Variants in CD82 observed in about 807,000 individuals in gnomAD.
CD82 encodes CD82 antigen.
A neutral mutation model predicts 37.4 loss-of-function variants in CD82; 36 were observed. The observed-to-expected ratio is 0.96, with a 90% CI of 0.74 to 1.27. The LOEUF is 1.27. Ranked by LOEUF, CD82 falls within the 50% of genes most tolerant of loss-of-function variation. The probability of loss-of-function intolerance (pLI) is 0.00; values close to 1 mark genes in which losing one functional copy is unlikely to be tolerated. For synonymous variants in CD82, 158 were observed against 137.4 expected (o/e 1.15, Z -1.05); for missense variants, 340 against 347.0 (o/e 0.98, Z 0.16).
At chr11:44,569,336 C>G (rs1852783051) in intron 1 of CD82, among the ~76,000 whole-genome samples, 1 of 152,172 alleles carries the variant, frequency 6.6e-6, no homozygotes, top group Non-Finnish European at 1.5e-5. Context: ...CCTGACTCAC[C>G]CCCGGGCTTC....
In CD82 at chr11:44,597,156, T is replaced by C. The variant is rs1193621432; in HGVS notation, c.63+2431T>C. On this transcript the variant is annotated intron_variant, in intron 3 of 9. Coordinates refer to ENST00000227155, the MANE Select transcript of CD82 (RefSeq NM_002231.4). The surrounding 1 kb of genome is among the most constrained non-coding windows in gnomAD (Gnocchi z 4.1). ...GGTTTGGAAAAATCCCCGTGGCTGC[T>C]ATGTGTGCTCGCGCCTGCGTGCATG... Among the ~76,000 whole-genome samples the C allele has an allele frequency of 2.6e-5, 4 of 152,228 alleles. No homozygotes were observed. The highest frequency in any genetic ancestry group is 5.9e-5 in the Non-Finnish European group (4 of 68,032).
chr11:44,605,779 T>C (rs899027952), intron 6 of CD82, among the ~76,000 whole-genome samples: 7 of 152,216 alleles, frequency 4.6e-5, no homozygotes, highest in African/African-American at 1.7e-4. Context: ...TATTCGAGAT[T>C]ATCTGAGTGA....
At chr11:44,590,034 C>T (rs146469909) in intron 2 of CD82, among the ~76,000 whole-genome samples, 3,867 of 151,816 alleles carry the variant, frequency 0.025, 145 homozygotes, top group African/African-American at 0.087. Context: ...AGGGTTTCAC[C>T]GTATTAGTCA....
chr11:44,588,356 C>G (rs565309087), intron 2 of CD82, among the ~76,000 whole-genome samples: 1 of 151,842 alleles, frequency 6.6e-6, no homozygotes, highest in Non-Finnish European at 1.5e-5. Flanking sequence ...CCCAAGTAGC[C>G]GGGACTGCAG....
At chr11:44,582,105 G>A (rs553964073) in intron 1 of CD82, among the ~76,000 whole-genome samples, 1 of 152,342 alleles carries the variant, frequency 6.6e-6, no homozygotes, top group Admixed American at 6.5e-5. Context: ...AGAGTCTTGA[G>A]GGCAGAGCTC....
In CD82 at chr11:44,600,156, A is replaced by AGATCCTGGGCGCAGT. The variant is rs1453977308; in HGVS notation, c.73_87dup. 17 of 1,614,046 alleles carry AGATCCTGGGCGCAGT rather than the reference A, an allele frequency of 1.1e-5. No homozygotes were observed. The East Asian group carries it at 3.8e-4, about 36-fold the overall frequency. ...CCATTAACTGCTCCCTTCTCCTTCCAGATCCTGGGCGCAGTGATCCTGGGC... is the reference window on the plus strand; with the variant it reads ...CCATTAACTGCTCCCTTCTCCTTCCAGATCCTGGGCGCAGTGATCCTGGGCGCAGTGATCCTGGGC... On this transcript the variant is annotated splice_acceptor_variant, in intron 3 of 9. Transcript: ENST00000227155. LOFTEE classifies it high-confidence loss of function.
At chr11:44,574,611 T>C (rs577445906) in intron 1 of CD82, among the ~76,000 whole-genome samples, 69 of 152,308 alleles carry the variant, frequency 4.5e-4, no homozygotes, top group African/African-American at 1.6e-3. Context: ...AGAGGGTTTT[T>C]TTTGTGTGTG....
intron 2 of CD82, among the ~76,000 whole-genome samples, chr11:44,589,363 C>T (rs151136044): frequency 6.6e-6 from 1 of 152,370 alleles, no homozygotes; most frequent in African/African-American, 2.4e-5. Context: ...GCTTGCATCT[C>T]ATTCCCTTGA....
chr11:44,568,123 A>G (rs1852762880), intron 1 of CD82, among the ~76,000 whole-genome samples: 1 of 152,236 alleles, frequency 6.6e-6, no homozygotes, highest in Non-Finnish European at 1.5e-5. Flanking sequence ...GAGTGACACA[A>G]CAGAGCAGCA....
In CD82 at chr11:44,602,270, G is replaced by A. The variant is rs145150234; in HGVS notation, c.136+2040G>A. 5.1e-3 allele frequency among the ~76,000 whole-genome samples: 771 copies of A among 152,252 alleles called. 28 individuals are homozygous for A. Among genetic ancestry groups the A allele is most frequent in the Admixed American group, 0.045 (681 of 15,288 alleles). ...TGACTGCTGGGGTTCGATTCACGGC[G>A]GTGCTGTCCACTAGCTGTGTGACTC... On this transcript the variant is annotated intron_variant, in intron 4 of 9. Transcript: ENST00000227155.
chr11:44,599,626 T>C (rs1415041581), intron 3 of CD82, among the ~76,000 whole-genome samples: 1 of 152,238 alleles, frequency 6.6e-6, no homozygotes, highest in Non-Finnish European at 1.5e-5. Flanking sequence ...CCAGTCGGAA[T>C]GACTGTTAAG....
At chr11:44,617,237 G>A (rs1414575997) in intron 7 of CD82, among the ~76,000 whole-genome samples, 1 of 152,110 alleles carries the variant, frequency 6.6e-6, no homozygotes, top group Non-Finnish European at 1.5e-5. Context: ...CTTCTCTCTA[G>A]AACTAGAGCA....
chr11:44,579,771 C>G (rs1454122241), intron 1 of CD82, among the ~76,000 whole-genome samples: 1 of 152,166 alleles, frequency 6.6e-6, no homozygotes, highest in Non-Finnish European at 1.5e-5. Context: ...TTATTCCCAG[C>G]TTGGCAGGCC....
chr11:44,618,386 C>CG lies in CD82; in HGVS notation c.642+26dup, dbSNP rs1565097015. The CG allele has an allele frequency of 5.0e-6, 8 of 1,603,796 alleles. No homozygotes were observed. In the Admixed American group the frequency reaches 1.0e-4, roughly 20 times the overall value. ...AGGAGGTGTGCGGGGGGCTGCGGAT[C>CG]GGGGGCGGGGCTCCGAGGGCGTTGG... On this transcript the variant is annotated intron_variant, in intron 8 of 9. Transcript: ENST00000227155.
upstream of CD82, chr11:44,564,443 A>G (rs1280576248): frequency 2.2e-6 from 1 of 456,248 alleles, no homozygotes; most frequent in Non-Finnish European, 4.4e-6. Flanking sequence ...GGACATTGTG[A>G]TAATGGAAGT....
intron 3 of CD82, 83 bp from the exon 4 acceptor site, chr11:44,600,075 C>T (rs1025223025): frequency 6.9e-7 from 1 of 1,442,682 alleles, no homozygotes. Context: ...CCCTGCCCAC[C>T]CTGACTTGGG....
chr11:44,569,977 C>T (rs1211798926), intron 1 of CD82, among the ~76,000 whole-genome samples: 1 of 152,182 alleles, frequency 6.6e-6, no homozygotes, highest in Non-Finnish European at 1.5e-5. Flanking sequence ...AGTAAATGCT[C>T]AATAAAGGAG....
At chr11:44,583,967 ATC>A (rs1853017360) in intron 1 of CD82, among the ~76,000 whole-genome samples, 1 of 152,048 alleles carries the variant, frequency 6.6e-6, no homozygotes, top group African/African-American at 2.4e-5. Flanking sequence ...CTCTTCCTTA[ATC>A]TCTAAGACAA....
intron 2 of CD82, among the ~76,000 whole-genome samples, chr11:44,591,212 G>A (rs1254139672): frequency 3.3e-5 from 5 of 152,192 alleles, no homozygotes; most frequent in Admixed American, 3.3e-4. Flanking sequence ...TCCTGTGTGG[G>A]ATGGAGCCCA....
Sources: gnomAD v4.1 joint callset for allele counts (sites outside exome capture counted in the v4.1 genomes callset) on GRCh38, gnomAD v4.1.1 for gene constraint, Gnocchi (gnomAD v3.1) non-coding constraint, MANE v1.5 for transcripts, NCBI Gene and HGNC (gene_info 2026-07-23, HGNC 2026-07-21) for gene names.